Variants in CACNA2D2 observed in about 807,000 individuals in gnomAD.
CACNA2D2 encodes the protein calcium voltage-gated channel auxiliary subunit alpha2delta 2.
CACNA2D2 carries 48 observed loss-of-function variants against 166.4 expected under a neutral mutation model. The observed-to-expected ratio is 0.29, with a 90% CI of 0.23 to 0.37. The LOEUF (loss-of-function observed/expected upper bound fraction) is 0.37, where lower values mean the gene tolerates loss of function less well. CACNA2D2 is among the 10% of genes least tolerant of loss of function. CACNA2D2 has a pLI of 1.00. For missense variants in CACNA2D2, 1,122 were observed against 1,433.0 expected, an observed-to-expected ratio of 0.78 and a Z score of 3.50; for synonymous variants, 561 against 573.7, an observed-to-expected ratio of 0.98 and a Z score of 0.32.
chr3:50,444,428 C>G (rs1427630492), intron 2 of CACNA2D2, among the ~76,000 whole-genome samples: 1 of 152,222 alleles, frequency 6.6e-6, no homozygotes, highest in Non-Finnish European at 1.5e-5. Flanking sequence ...GAGCCTTCAC[C>G]CTCACAGTCT....
rs1391201863 is a variant in CACNA2D2 at position 50,365,656 on chromosome 3, A to C, written c.2948T>G (p.Ile983Ser). The C allele has an allele frequency of 2.5e-6, 4 of 1,582,300 alleles. No homozygotes were observed. The highest frequency in any genetic ancestry group is 3.7e-5 in the Admixed American group (2 of 53,778). The change falls in exon 34 of 38, where the codon ATC (isoleucine) becomes AGC (serine). Residue 983 changes from isoleucine (I) to serine (S), a missense_variant. Physicochemically the swap from Ile to Ser is moderately radical, Grantham distance 142. Around this residue, in one of 2 missense-constraint regions of CACNA2D2, gnomAD observed 282 missense variants for 266.2 expected, o/e 1.06. Coordinates refer to ENST00000424201, the MANE Select transcript of CACNA2D2 (RefSeq NM_006030.4). The surrounding 1 kb of genome is among the most constrained non-coding windows in gnomAD (Gnocchi z 4.5). ...SLFQQLLYGL[I>S]YHSWFQADPA... The stretch of plus-strand genomic sequence containing the variant: ...ACCTGCTTGGAACCAGCTGTGGTAG[A>C]TGAGGCCGTAGAGAAGCTGCTGGAA...
At chr3:50,389,196 C>T (rs1024666332) in intron 4 of CACNA2D2, among the ~76,000 whole-genome samples, 3 of 152,136 alleles carry the variant, frequency 2.0e-5, no homozygotes, top group South Asian at 2.1e-4. Flanking sequence ...GCAGGGTGCT[C>T]GGCCTTTCCC....
chr3:50,390,436 T>TA (rs1362934426), intron 4 of CACNA2D2, among the ~76,000 whole-genome samples: 1 of 151,944 alleles, frequency 6.6e-6, no homozygotes, highest in African/African-American at 2.4e-5. Context: ...TCCCCAGGGG[T>TA]AGGGCCAACT....
chr3:50,458,940 T>C (rs1709481508), intron 2 of CACNA2D2, among the ~76,000 whole-genome samples: 1 of 152,186 alleles, frequency 6.6e-6, no homozygotes, highest in Non-Finnish European at 1.5e-5. Flanking sequence ...CCCACCGACC[T>C]CCATCAACTC....
intron 22 of CACNA2D2, 125 bp downstream of exon 22, chr3:50,374,612 G>T: frequency 9.7e-7 from 1 of 1,029,842 alleles, no homozygotes; most frequent in Non-Finnish European, 1.4e-6. Context: ...GGGCACCTGA[G>T]GGTGGGCAGA....
intron 2 of CACNA2D2, among the ~76,000 whole-genome samples, chr3:50,460,937 T>C (rs1709561224): frequency 6.6e-6 from 1 of 151,268 alleles, no homozygotes; most frequent in Non-Finnish European, 1.5e-5. Flanking sequence ...GATGAGAAGA[T>C]TTTCTCACAG....
At position 50,366,509 on chromosome 3, in the gene CACNA2D2, C is replaced by T. The variant is rs1704300410; in HGVS notation, c.2637+69G>A. The T allele has an allele frequency of 2.6e-6, 4 of 1,561,918 alleles. No individual in the cohort carries two copies. Among genetic ancestry groups the T allele is most frequent in the South Asian group, 1.1e-5 (1 of 89,990 alleles). On this transcript the variant is annotated intron_variant, in intron 30 of 37. Coordinates refer to ENST00000424201, the MANE Select transcript of CACNA2D2 (RefSeq NM_006030.4). The surrounding 1 kb of genome is among the most constrained non-coding windows in gnomAD (Gnocchi z 5.9). ...ACAGGCCAAGGGATGTGCTGGGAGT[C>T]GCGGCTGGGACTAGGAAGTCTGGAA...
chr3:50,476,225 G>C, intron 1 of CACNA2D2, 26 bp from the exon 2 acceptor site: 1 of 1,556,612 alleles, frequency 6.4e-7, no homozygotes, highest in Non-Finnish European at 8.7e-7. Flanking sequence ...GGAGAGAGGT[G>C]TCAGGAGGGC....
intron 22 of CACNA2D2, among the ~76,000 whole-genome samples, chr3:50,370,933 G>A (rs1454162604): frequency 6.6e-6 from 1 of 152,066 alleles, no homozygotes. Context: ...TTCTGTGTCA[G>A]GCATCAACAT....
At position 50,366,669 on chromosome 3, in the gene CACNA2D2, C is replaced by T; in HGVS notation, c.2590-44G>A. On this transcript the variant is annotated intron_variant, in intron 29 of 37. Transcript: ENST00000424201. The surrounding 1 kb of genome is among the most constrained non-coding windows in gnomAD (Gnocchi z 5.9). Reference sequence around the variant, plus strand: ...GGACCGTAAGCCACCCACCAGTTTTCCTCCCTCCCATCACCTTTCATACAT... The same window carrying T: ...GGACCGTAAGCCACCCACCAGTTTTTCTCCCTCCCATCACCTTTCATACAT... 3 of 1,611,524 alleles carry T rather than the reference C, an allele frequency of 1.9e-6. No individual in the cohort carries two copies. Among genetic ancestry groups the T allele is most frequent in the Non-Finnish European group, 2.5e-6 (3 of 1,178,024 alleles).
chr3:50,367,202 GA>G lies in CACNA2D2; in HGVS notation c.2402-94del. On this transcript the variant is annotated intron_variant, in intron 27 of 37. Transcript: ENST00000424201. This position sits in a 1 kb window ranked among gnomAD's most constrained non-coding sequence, Gnocchi z 6.5. ...TACAAACCCAGCAGTCCAATCCCGG[GA>G]TGACTCCAGCCCAAGCACCCAGCAC... 9.2e-7 allele frequency: 1 copy of G among 1,085,456 alleles called. No individual in the cohort carries two copies. Among genetic ancestry groups the G allele is most frequent in the East Asian group, 2.6e-5 (1 of 39,194 alleles). The allele number at this position is 1,085,456 out of a possible 1,614,324, so 67.2% of individuals were successfully genotyped here.
At chr3:50,382,400 C>A (rs1017629359) in intron 6 of CACNA2D2, among the ~76,000 whole-genome samples, 15 of 152,234 alleles carry the variant, frequency 9.9e-5, no homozygotes, top group Non-Finnish European at 1.5e-5. Flanking sequence ...AGTTCTCTAG[C>A]CTCTGCTCCG....
intron 1 of CACNA2D2, among the ~76,000 whole-genome samples, chr3:50,483,463 T>C (rs570041874): frequency 1.3e-5 from 2 of 152,356 alleles, no homozygotes; most frequent in East Asian, 3.9e-4. Context: ...CTTCCCTTTC[T>C]TTGCCGAGAA....
intron 3 of CACNA2D2, among the ~76,000 whole-genome samples, chr3:50,405,465 A>C (rs374954791): frequency 2.0e-4 from 31 of 152,198 alleles, no homozygotes; most frequent in African/African-American, 3.4e-4. Flanking sequence ...GGTAGGGAGG[A>C]GCGTCAGGGC....
intron 2 of CACNA2D2, among the ~76,000 whole-genome samples, chr3:50,451,659 G>A (rs1012626188): frequency 6.6e-6 from 1 of 152,164 alleles, no homozygotes; most frequent in African/African-American, 2.4e-5. Flanking sequence ...CTTAGCCCAT[G>A]TCTCCCATTT....
At position 50,431,517 on chromosome 3, in the gene CACNA2D2, T is replaced by C. The variant is rs1708063949; in HGVS notation, c.405+2796A>G. ...GAGACCTGAGTTCAAATCTTGGCTC[T>C]GCCATATCCTGGCCTGATGCATGGC... On this transcript the variant is annotated intron_variant, in intron 3 of 37. Transcript: ENST00000424201. 2.6e-5 allele frequency among the ~76,000 whole-genome samples: 4 copies of C among 152,280 alleles called. No individual in the cohort carries two copies. In the South Asian group the frequency reaches 8.3e-4, roughly 32 times the overall value.
At chr3:50,471,599 C>T (rs1481039723) in intron 2 of CACNA2D2, among the ~76,000 whole-genome samples, 1 of 152,202 alleles carries the variant, frequency 6.6e-6, no homozygotes, top group African/African-American at 2.4e-5. Flanking sequence ...CCAGCACCCC[C>T]AGAGTCAGTG....
chr3:50,482,877 G>A (rs947963786), intron 1 of CACNA2D2, among the ~76,000 whole-genome samples: 104 of 152,306 alleles, frequency 6.8e-4, no homozygotes, highest in African/African-American at 2.4e-3. Context: ...AGCTTTGGGG[G>A]CTCAAAGCCC....
At chr3:50,391,315 G>A (rs1232648060) in intron 4 of CACNA2D2, among the ~76,000 whole-genome samples, 1 of 152,212 alleles carries the variant, frequency 6.6e-6, no homozygotes, top group African/African-American at 2.4e-5. Flanking sequence ...TGAGGCCCTG[G>A]GGCCAATGGC....
Sources: allele counts gnomAD v4.1 joint callset (sites outside exome capture counted in the v4.1 genomes callset), GRCh38; gene constraint gnomAD v4.1.1; regional missense constraint gnomAD v4.1.1; non-coding constraint Gnocchi (gnomAD v3.1); transcripts MANE v1.5; gene names NCBI Gene and HGNC (gene_info 2026-07-23, HGNC 2026-07-21).